Variants in CAMTA1 observed in about 807,000 individuals in gnomAD.
The protein encoded by CAMTA1 is calmodulin binding transcription activator 1, also known as calmodulin-binding transcription activator 1.
Under a neutral mutation model 170.9 loss-of-function variants are expected in CAMTA1, and 27 were observed. The ratio of observed to expected loss-of-function variants is 0.16; its 90% CI spans 0.12 to 0.22. The LOEUF is 0.22. Ranked by LOEUF, CAMTA1 falls within the 10% of genes least tolerant of loss-of-function variation. The pLI, the probability that CAMTA1 is intolerant of heterozygous loss-of-function variation, is 1.00. For synonymous variants in CAMTA1, 833 were observed against 891.5 expected (o/e 0.93, Z 1.17); for missense variants, 1,619 against 2,217.2 (o/e 0.73, Z 5.42).
intron 5 of CAMTA1, among the ~76,000 whole-genome samples, chr1:7,390,052 C>T (rs1180130659): frequency 6.6e-6 from 1 of 152,196 alleles, no homozygotes; most frequent in African/African-American, 2.4e-5. Flanking sequence ...TCATCTTTAC[C>T]TGCCGCTTCC....
At chr1:7,639,728 A>G (rs4073148) in intron 6 of CAMTA1, among the ~76,000 whole-genome samples, 34,959 of 151,672 alleles carry the variant, frequency 0.23, 8,406 homozygotes, top group African/African-American at 0.62. Flanking sequence ...CTGAGATCAC[A>G]CCACTGCACT....
At chr1:7,187,744 T>A (rs976733160) in intron 4 of CAMTA1, among the ~76,000 whole-genome samples, 5 of 152,204 alleles carry the variant, frequency 3.3e-5, no homozygotes, top group Non-Finnish European at 7.3e-5. Flanking sequence ...CACTGATGAT[T>A]TGTTTACCCA....
At chr1:7,563,386 G>C (rs1364434567) in intron 6 of CAMTA1, among the ~76,000 whole-genome samples, 1 of 152,214 alleles carries the variant, frequency 6.6e-6, no homozygotes, top group Non-Finnish European at 1.5e-5. Flanking sequence ...GGTCAGGACT[G>C]AGACCTGCAG....
chr1:6,955,385 A>G (rs1002688457), intron 3 of CAMTA1, among the ~76,000 whole-genome samples: 27 of 152,246 alleles, frequency 1.8e-4, no homozygotes, highest in African/African-American at 6.3e-4. Context: ...AGTGAGAACC[A>G]CGGTCAAGCT....
chr1:7,069,090 C>G (rs1297014734), intron 3 of CAMTA1, among the ~76,000 whole-genome samples: 2 of 152,158 alleles, frequency 1.3e-5, no homozygotes, highest in Non-Finnish European at 2.9e-5. Context: ...GCTGGGCCCC[C>G]GGTATCCTAG....
In CAMTA1 at chr1:7,680,861, C is replaced by CGCGCCAGCAGCAGCAGCAG. The variant is rs1553247057; in HGVS notation, c.2914+3128_2914+3129insGCGCCAGCAGCAGCAGCAG. Among the ~76,000 whole-genome samples the CGCGCCAGCAGCAGCAGCAG allele has an allele frequency of 1.4e-4, 19 of 136,556 alleles. No individual in the cohort carries two copies. Among genetic ancestry groups the CGCGCCAGCAGCAGCAGCAG allele is most frequent in the South Asian group, 2.4e-4 (1 of 4,148 alleles). The allele number at this position is 136,556 out of a possible 152,430, so 89.6% of individuals were successfully genotyped here. A position where few individuals can be genotyped will look rare whatever the true frequency, so the allele number is the denominator to read the frequency against. Reference sequence around the variant, plus strand: ...GAGAACACGCGCGCGCGCGCGCGCGCCAGCAGCAGCAGCAGCAGCAGCTGC... The same window carrying CGCGCCAGCAGCAGCAGCAG: ...GAGAACACGCGCGCGCGCGCGCGCGCGCGCCAGCAGCAGCAGCAGCAGCAGCAGCAGCAGCAGCAGCTGC... On this transcript the variant is annotated intron_variant, in intron 11 of 22. Coordinates refer to ENST00000303635, the MANE Select transcript of CAMTA1 (RefSeq NM_015215.4). The surrounding 1 kb of genome is among the most constrained non-coding windows in gnomAD (Gnocchi z 4.4).
At chr1:7,172,513 A>G (rs1354364858) in intron 4 of CAMTA1, among the ~76,000 whole-genome samples, 1 of 152,156 alleles carries the variant, frequency 6.6e-6, no homozygotes, top group Non-Finnish European at 1.5e-5. Context: ...CATGAACAAC[A>G]GCATGACAGG....
chr1:7,391,240 G>T (rs1387379999), intron 5 of CAMTA1, among the ~76,000 whole-genome samples: 2 of 152,042 alleles, frequency 1.3e-5, no homozygotes, highest in African/African-American at 2.4e-5. Flanking sequence ...CAGGTGATCT[G>T]CCCACCTCGG....
chr1:7,398,179 C>A (rs2089503396), intron 5 of CAMTA1, among the ~76,000 whole-genome samples: 1 of 43,756 alleles, frequency 2.3e-5, no homozygotes. Context: ...CTCTCTCTCT[C>A]TCTCTCTCTC....
At chr1:7,036,640 C>G (rs7553537) in intron 3 of CAMTA1, among the ~76,000 whole-genome samples, 9 of 152,072 alleles carry the variant, frequency 5.9e-5, no homozygotes, top group Non-Finnish European at 1.2e-4. Flanking sequence ...TTTTCCATTC[C>G]GCTAACATCT....
chr1:7,551,340 A>T (rs565564947), intron 6 of CAMTA1, among the ~76,000 whole-genome samples: 7 of 152,232 alleles, frequency 4.6e-5, no homozygotes, highest in Admixed American at 2.6e-4. Context: ...ACATGTATGT[A>T]TCTGTGCATG....
At chr1:7,636,669 A>T (rs2095714665) in intron 6 of CAMTA1, among the ~76,000 whole-genome samples, 1 of 151,556 alleles carries the variant, frequency 6.6e-6, no homozygotes, top group African/African-American at 2.4e-5. Flanking sequence ...AGATCATGCC[A>T]TTGCACTCCA....
At chr1:7,586,242 C>T (rs1010244540) in intron 6 of CAMTA1, among the ~76,000 whole-genome samples, 1 of 152,130 alleles carries the variant, frequency 6.6e-6, no homozygotes, top group Non-Finnish European at 1.5e-5. Flanking sequence ...TGGGGATCCG[C>T]ACTTGAGTTT....
intron 6 of CAMTA1, among the ~76,000 whole-genome samples, chr1:7,540,125 C>T (rs2094592416): frequency 1.3e-5 from 2 of 152,146 alleles, no homozygotes; most frequent in Admixed American, 6.5e-5. Context: ...TGATCTGGCC[C>T]CACTCCAAGA....
intron 6 of CAMTA1, among the ~76,000 whole-genome samples, chr1:7,473,690 G>A (rs2093372005): frequency 6.6e-6 from 1 of 152,236 alleles, no homozygotes; most frequent in Non-Finnish European, 1.5e-5. Context: ...GTCCCTGAGG[G>A]CAACTGAGTC....
At chr1:7,204,080 C>T (rs937202258) in intron 4 of CAMTA1, among the ~76,000 whole-genome samples, 1 of 151,874 alleles carries the variant, frequency 6.6e-6, no homozygotes, top group African/African-American at 2.4e-5. Flanking sequence ...CCTCGTGATC[C>T]GCTCGCCTCA....
At chr1:6,969,061 T>C (rs1692071625) in intron 3 of CAMTA1, among the ~76,000 whole-genome samples, 1 of 152,152 alleles carries the variant, frequency 6.6e-6, no homozygotes, top group Non-Finnish European at 1.5e-5. Context: ...AGAAAGCTCC[T>C]GGTTGTGGTG....
intron 5 of CAMTA1, among the ~76,000 whole-genome samples, chr1:7,330,044 T>G (rs538786059): frequency 6.6e-6 from 1 of 152,192 alleles, no homozygotes; most frequent in Non-Finnish European, 1.5e-5. Flanking sequence ...CCCCAACACT[T>G]TCTCTCGGGC....
intron 3 of CAMTA1, among the ~76,000 whole-genome samples, chr1:6,856,007 G>A (rs939537283): frequency 1.3e-5 from 2 of 152,098 alleles, no homozygotes; most frequent in Non-Finnish European, 2.9e-5. Flanking sequence ...TCACTAGGGC[G>A]CCACACAAAA....
Sources: allele counts gnomAD v4.1 joint callset (sites outside exome capture counted in the v4.1 genomes callset), GRCh38; gene constraint gnomAD v4.1.1; non-coding constraint Gnocchi (gnomAD v3.1); transcripts MANE v1.5; gene names NCBI Gene and HGNC (gene_info 2026-07-23, HGNC 2026-07-21).